The following TMEM236 variants were observed in gnomAD, a reference collection of about 807,000 sequenced individuals.
TMEM236 encodes family with sequence similarity 23, member A.
Under a neutral mutation model 14.7 loss-of-function variants are expected in TMEM236, and 11 were observed. The observed-to-expected ratio is 0.75, with a 90% CI of 0.47 to 1.24. The LOEUF (loss-of-function observed/expected upper bound fraction) is 1.24. Among genes scored for constraint, TMEM236 ranks in the 50% most tolerant of loss-of-function variants. TMEM236 has a pLI of 0.00. For missense variants in TMEM236, 464 were observed against 427.3 expected (o/e 1.09, Z -0.76); for synonymous variants, 182 against 168.6 (o/e 1.08, Z -0.62).
chr10:17,787,437 G>C (rs1016834776), intron 3 of TMEM236, among the ~76,000 whole-genome samples: 23 of 152,202 alleles, frequency 1.5e-4, no homozygotes, highest in East Asian at 1.2e-3. Context: ...TGGGCCATAG[G>C]GGCATCTGAG....
chr10:17,761,060 A>G (rs1348045559), intron 1 of TMEM236, among the ~76,000 whole-genome samples: 3 of 152,096 alleles, frequency 2.0e-5, no homozygotes, highest in African/African-American at 7.2e-5. Context: ...TCCTTATCCT[A>G]TGCAGGAAGT....
At chr10:17,786,156 T>A (rs1837834196) in intron 3 of TMEM236, among the ~76,000 whole-genome samples, 1 of 152,228 alleles carries the variant, frequency 6.6e-6, no homozygotes, top group Non-Finnish European at 1.5e-5. Flanking sequence ...CAGAATACTT[T>A]GGAAACAAAT....
rs908285987 is a variant in TMEM236 at position 17,800,505 on chromosome 10, C to T, written c.*4001C>T. ...AAATTACAATGTGTAAATGTTATCT[C>T]GTCTTGTTTTTCTTATTAGGGCCCC... On this transcript the variant is annotated 3_prime_UTR_variant, in exon 4 of 4. Coordinates refer to ENST00000377495, the MANE Select transcript of TMEM236 (RefSeq NM_001098844.3). 1.3e-5 allele frequency: 2 copies of T among 151,940 alleles called. No homozygotes were observed. Among genetic ancestry groups the T allele is most frequent in the African/African-American group, 2.4e-5 (1 of 41,370 alleles). 9.4% of individuals were successfully genotyped at this position (151,940 alleles called of 1,614,324 possible).
At chr10:17,795,653 G>A (rs1837999456) in intron 3 of TMEM236, among the ~76,000 whole-genome samples, 2 of 152,152 alleles carry the variant, frequency 1.3e-5, no homozygotes, top group African/African-American at 4.8e-5. Flanking sequence ...AGAGCATCAG[G>A]ATAAATAGCT....
intron 1 of TMEM236, among the ~76,000 whole-genome samples, chr10:17,755,107 G>GT (rs1400481641): frequency 0.11 from 14,895 of 137,198 alleles, 961 homozygotes; most frequent in African/African-American, 0.19. Flanking sequence ...CCCGGCTAAT[G>GT]TTTTTTTTTT....
intron 1 of TMEM236, among the ~76,000 whole-genome samples, chr10:17,757,195 C>T (rs1054855520): frequency 1.3e-5 from 2 of 152,184 alleles, no homozygotes; most frequent in Admixed American, 6.5e-5. Flanking sequence ...ACCTTCTGTA[C>T]TGTTAAGTTT....
rs1412035744 is a variant in TMEM236 at position 17,762,622 on chromosome 10, C to CATACATACAT, written c.258-8686_258-8685insTACATACATA. Among the ~76,000 whole-genome samples, 147 of 73,716 alleles carry CATACATACAT rather than the reference C, an allele frequency of 2.0e-3. 2 individuals carry two copies. The highest frequency in any genetic ancestry group is 7.3e-3 in the African/African-American group (144 of 19,770). The allele number at this position is 73,716 out of a possible 152,430, so 48.4% of individuals were successfully genotyped here. ...ATATATATATATATATATATATACA[C>CATACATACAT]ACATACATATATATATATATTTAGG... is the stretch of plus-strand genomic sequence containing the variant. On this transcript the variant is annotated intron_variant, in intron 1 of 3. Coordinates refer to ENST00000377495, the MANE Select transcript of TMEM236 (RefSeq NM_001098844.3).
At position 17,800,380 on chromosome 10, in the gene TMEM236, G is replaced by A. The variant is rs891989757; in HGVS notation, c.*3876G>A. The A allele has an allele frequency of 6.6e-6, 1 of 151,676 alleles. No homozygotes were observed. Among genetic ancestry groups the A allele is most frequent in the Non-Finnish European group, 1.5e-5 (1 of 67,942 alleles). The allele number at this position is 151,676 out of a possible 1,614,324, so 9.4% of individuals were successfully genotyped here. On this transcript the variant is annotated 3_prime_UTR_variant, in exon 4 of 4. Transcript: ENST00000377495. Reference sequence around the variant, plus strand: ...AATTTTATAAAATTTTATTGATGCTGTAATTTTTATAAAATTTTATTTATT... The same window carrying A: ...AATTTTATAAAATTTTATTGATGCTATAATTTTTATAAAATTTTATTTATT...
chr10:17,796,485 T>C lies in TMEM236; in HGVS notation c.1037T>C (p.Phe346Ser). 1.2e-6 allele frequency: 2 copies of C among 1,612,736 alleles called. No individual in the cohort carries two copies. Among genetic ancestry groups the C allele is most frequent in the Admixed American group, 3.3e-5 (2 of 59,966 alleles). ...ACCAGAATCAGGATTTTTTCTGCCT[T>C]TGAAATGTCTCCATTTTAAAAAGGA... is the stretch of plus-strand genomic sequence containing the variant. Reference protein sequence around the residue: ...YLTRIRIFSAFEMSPF With the variant: ...YLTRIRIFSASEMSPF The change falls in exon 4 of 4, where the codon TTT (phenylalanine) becomes TCT (serine). Residue 346 changes from phenylalanine (F) to serine (S), a missense_variant. Phe to Ser is a radical substitution (Grantham distance 155). Transcript: ENST00000377495.
Position 17,787,557 on chromosome 10 carries a change from T to C in TMEM236, c.473-8364T>C, listed in dbSNP as rs1042441228. 3.2e-3 allele frequency among the ~76,000 whole-genome samples: 494 copies of C among 152,226 alleles called. 3 individuals carry two copies. Among genetic ancestry groups the C allele is most frequent in the African/African-American group, 9.9e-3 (412 of 41,550 alleles). On this transcript the variant is annotated intron_variant, in intron 3 of 3. Coordinates refer to ENST00000377495, the MANE Select transcript of TMEM236 (RefSeq NM_001098844.3). ...TTTGGCTTCCTTGCCTTAGTGCAGGTTTTTTCCCCAGAATGCTCATTGCTC... is the reference window on the plus strand; with the variant it reads ...TTTGGCTTCCTTGCCTTAGTGCAGGCTTTTTCCCCAGAATGCTCATTGCTC...
intron 3 of TMEM236, among the ~76,000 whole-genome samples, chr10:17,788,600 G>GA (rs1376574265): frequency 1.7e-3 from 236 of 137,470 alleles, no homozygotes; most frequent in African/African-American, 4.7e-3. Flanking sequence ...AAAAAAAAAA[G>GA]AAAAAAAAAA....
chr10:17,776,234 T>C, intron 3 of TMEM236, 64 bp downstream of exon 3: 1 of 1,459,208 alleles, frequency 6.9e-7, no homozygotes, highest in Non-Finnish European at 9.6e-7. Flanking sequence ...TTTCTGCCAC[T>C]GTGTTATCTG....
At chr10:17,790,184 T>C (rs969492595) in intron 3 of TMEM236, among the ~76,000 whole-genome samples, 3 of 151,986 alleles carry the variant, frequency 2.0e-5, no homozygotes, top group Non-Finnish European at 2.9e-5. Flanking sequence ...GAGCCAGGAT[T>C]GTACCACTGC....
intron 3 of TMEM236, among the ~76,000 whole-genome samples, chr10:17,778,869 C>T (rs1328036119): frequency 1.3e-5 from 2 of 152,186 alleles, no homozygotes; most frequent in East Asian, 3.9e-4. Flanking sequence ...TTAAAGCAGT[C>T]TTCACCGGAC....
chr10:17,752,284 C>A lies in TMEM236; in HGVS notation c.-12C>A, dbSNP rs1837220662. The A allele has an allele frequency of 1.2e-6, 2 of 1,613,936 alleles. No homozygotes were observed. Among genetic ancestry groups the A allele is most frequent in the African/African-American group, 2.7e-5 (2 of 75,024 alleles). ...GGAGTCCCAGGTTCTTGGCAGCTTG[C>A]TTTTCCTCAGGATGGCTTCTGGAAG... On this transcript the variant is annotated 5_prime_UTR_variant, in exon 1 of 4. Coordinates refer to ENST00000377495, the MANE Select transcript of TMEM236 (RefSeq NM_001098844.3).
intron 1 of TMEM236, among the ~76,000 whole-genome samples, chr10:17,758,821 C>G (rs1777283728): frequency 6.6e-6 from 1 of 152,144 alleles, no homozygotes; most frequent in Admixed American, 6.5e-5. Context: ...GAAGAATGAA[C>G]ACCAGAATGG....
chr10:17,790,595 A>T (rs1837910382), intron 3 of TMEM236, among the ~76,000 whole-genome samples: 1 of 152,228 alleles, frequency 6.6e-6, no homozygotes, highest in Non-Finnish European at 1.5e-5. Context: ...TTTACCTTGA[A>T]GTGTATTTTA....
chr10:17,766,649 C>G (rs1338608795), intron 1 of TMEM236, among the ~76,000 whole-genome samples: 1 of 152,208 alleles, frequency 6.6e-6, no homozygotes, highest in Admixed American at 6.5e-5. Flanking sequence ...TTAGGTGTTA[C>G]AGCAGCATTC....
rs1838020871 is a variant in TMEM236, at chr10:17,796,667, C to A, written c.*163C>A. 9.9e-6 allele frequency: 6 copies of A among 605,214 alleles called. No individual in the cohort carries two copies. Among genetic ancestry groups the A allele is most frequent in the Admixed American group, 3.1e-5 (1 of 32,658 alleles). 37.5% of individuals were successfully genotyped at this position (605,214 alleles called of 1,614,324 possible). A position where few individuals can be genotyped will look rare whatever the true frequency, so the allele number is the denominator to read the frequency against. On this transcript the variant is annotated 3_prime_UTR_variant, in exon 4 of 4. Transcript: ENST00000377495. ...TCTAGCATATCAGTTTTTTTTTTTA[C>A]ATATACAAATGGTGCTAAATTTAAG...
Sources: gnomAD v4.1 joint callset for allele counts (sites outside exome capture counted in the v4.1 genomes callset) on GRCh38, gnomAD v4.1.1 for gene constraint, MANE v1.5 for transcripts, NCBI Gene and HGNC (gene_info 2026-07-23, HGNC 2026-07-21) for gene names.